RAB7A: variants seen among roughly 807,000 people sequenced by gnomAD.
RAB7A encodes ras-related protein Rab-7a.
RAB7A carries 2 observed loss-of-function variants against 24.5 expected under a neutral mutation model. The observed-to-expected ratio is 0.08, with a 90% CI of 0.03 to 0.26. RAB7A has a LOEUF of 0.26. Among genes scored for constraint, RAB7A ranks in the 10% least tolerant of loss-of-function variants. The probability of loss-of-function intolerance (pLI) is 1.00; values close to 1 mark genes in which losing one functional copy is unlikely to be tolerated. For missense variants in RAB7A, 118 were observed against 255.7 expected, an observed-to-expected ratio of 0.46 and a Z score of 3.67; for synonymous variants, 100 against 95.9, an observed-to-expected ratio of 1.04 and a Z score of -0.25.
intron 1 of RAB7A, among the ~76,000 whole-genome samples, chr3:128,728,911 G>C (rs2070406964): frequency 6.6e-6 from 1 of 152,090 alleles, no homozygotes; most frequent in Non-Finnish European, 1.5e-5. Context: ...AGCACTGATA[G>C]TGTACTGGCC....
At chr3:128,771,325 C>T (rs1264506693) in intron 1 of RAB7A, among the ~76,000 whole-genome samples, 1 of 152,140 alleles carries the variant, frequency 6.6e-6, no homozygotes, top group East Asian at 1.9e-4. Context: ...GGGGGCTCAT[C>T]TTCAAGAGTG....
At chr3:128,766,827 A>C (rs2070836144) in intron 1 of RAB7A, among the ~76,000 whole-genome samples, 1 of 152,200 alleles carries the variant, frequency 6.6e-6, no homozygotes, top group South Asian at 2.1e-4. Flanking sequence ...GGCATGAGCC[A>C]TCGTGCCTGG....
At chr3:128,763,864 G>A (rs868363151) in intron 1 of RAB7A, among the ~76,000 whole-genome samples, 1 of 82,622 alleles carries the variant, frequency 1.2e-5, no homozygotes, top group Non-Finnish European at 2.8e-5. Context: ...TTAGATTCCC[G>A]CCCCCCCCCC....
chr3:128,743,121 C>T (rs113558742), intron 1 of RAB7A, among the ~76,000 whole-genome samples: 272 of 152,278 alleles, frequency 1.8e-3, no homozygotes, highest in Non-Finnish European at 3.1e-3. Context: ...GGTGGGCTGG[C>T]GGTGCTGGGG....
intron 1 of RAB7A, among the ~76,000 whole-genome samples, chr3:128,746,254 G>A (rs890281030): frequency 6.6e-6 from 1 of 151,972 alleles, no homozygotes; most frequent in African/African-American, 2.4e-5. Context: ...GGGTTCAACT[G>A]TTTATTTTTA....
intron 3 of RAB7A, among the ~76,000 whole-genome samples, chr3:128,801,568 G>T (rs1933699283): frequency 6.6e-6 from 1 of 152,174 alleles, no homozygotes; most frequent in African/African-American, 2.4e-5. Flanking sequence ...GGGAGAAAAT[G>T]AAGCACAATC....
chr3:128,743,925 T>G (rs2070582646), intron 1 of RAB7A, among the ~76,000 whole-genome samples: 1 of 151,402 alleles, frequency 6.6e-6, no homozygotes, highest in African/African-American at 2.4e-5. Context: ...AGTAGCTGGG[T>G]TTATAGGCGC....
intron 5 of RAB7A, among the ~76,000 whole-genome samples, chr3:128,810,109 C>T (rs1433039302): frequency 6.6e-6 from 1 of 151,450 alleles, no homozygotes; most frequent in Non-Finnish European, 1.5e-5. Flanking sequence ...CCACCATGCC[C>T]AGCTAATTTT....
chr3:128,801,845 G>T (rs953100044), intron 3 of RAB7A, among the ~76,000 whole-genome samples: 2 of 151,862 alleles, frequency 1.3e-5, no homozygotes, highest in African/African-American at 4.8e-5. Flanking sequence ...TAAATAAAAA[G>T]AATTCTGTGT....
chr3:128,732,021 T>A (rs1313336248), intron 1 of RAB7A, among the ~76,000 whole-genome samples: 4 of 144,858 alleles, frequency 2.8e-5, no homozygotes, highest in Admixed American at 2.1e-4. Context: ...AAAAAAAGTG[T>A]CTCTTTCTTC....
At chr3:128,748,920 C>G (rs1025163307) in intron 1 of RAB7A, 1 of 152,070 alleles carries the variant, frequency 6.6e-6, no homozygotes, top group African/African-American at 2.4e-5. Flanking sequence ...CTCCCAGGCT[C>G]CACAAATCCA....
intron 1 of RAB7A, among the ~76,000 whole-genome samples, chr3:128,752,475 A>G (rs1199884724): frequency 3.3e-5 from 5 of 152,082 alleles, no homozygotes; most frequent in Admixed American, 6.5e-5. Flanking sequence ...GGACAAAGAC[A>G]AAGTAGAGAA....
chr3:128,783,086 C>T (rs1472866545), intron 1 of RAB7A, among the ~76,000 whole-genome samples: 1 of 152,168 alleles, frequency 6.6e-6, no homozygotes, highest in Non-Finnish European at 1.5e-5. Flanking sequence ...TCTTACTTGG[C>T]CTCTGGGCAT....
intron 5 of RAB7A, among the ~76,000 whole-genome samples, chr3:128,810,914 CGTG>C (rs1343631793): frequency 2.0e-5 from 3 of 152,024 alleles, no homozygotes; most frequent in African/African-American, 4.8e-5. Context: ...AATTAGCTGG[CGTG>C]GTGGTGGGCA....
At chr3:128,751,843 A>G (rs2070684416) in intron 1 of RAB7A, among the ~76,000 whole-genome samples, 1 of 152,106 alleles carries the variant, frequency 6.6e-6, no homozygotes, top group Non-Finnish European at 1.5e-5. Context: ...ACCCAGTGGG[A>G]GGTAATTGAA....
In RAB7A at chr3:128,746,728, A is replaced by G. The variant is rs191873479; in HGVS notation, c.-9+20369A>G. Among the ~76,000 whole-genome samples the G allele has an allele frequency of 5.7e-3, 856 of 149,626 alleles. 14 individuals carry two copies. Among genetic ancestry groups the G allele is most frequent in the African/African-American group, 0.021 (808 of 39,332 alleles). On this transcript the variant is annotated intron_variant, in intron 1 of 5. Transcript: ENST00000265062. The stretch of plus-strand genomic sequence containing the variant: ...TATTTTTTAGTAGAGACGGGGTTTC[A>G]CCATGTTAGCCAGGGTGGTCTCGAT...
At chr3:128,786,942 T>C (rs543967101) in intron 1 of RAB7A, among the ~76,000 whole-genome samples, 5 of 152,182 alleles carry the variant, frequency 3.3e-5, no homozygotes, top group Non-Finnish European at 7.3e-5. Flanking sequence ...GTTAATAACA[T>C]GGGAAGATAT....
chr3:128,795,325 C>G (rs753578967), intron 1 of RAB7A, 35 bp from the exon 2 acceptor site: 5 of 1,567,516 alleles, frequency 3.2e-6, no homozygotes, highest in Non-Finnish European at 3.5e-6. Context: ...GTGTTTCCAT[C>G]ACACTCACAG....
intron 1 of RAB7A, among the ~76,000 whole-genome samples, chr3:128,738,978 A>T (rs932820761): frequency 5.3e-5 from 8 of 152,190 alleles, no homozygotes; most frequent in Non-Finnish European, 1.2e-4. Flanking sequence ...AACGAGAGTA[A>T]TGTGTAATCC....
Sources: gnomAD v4.1 joint callset for allele counts (sites outside exome capture counted in the v4.1 genomes callset) on GRCh38, gnomAD v4.1.1 for gene constraint, MANE v1.5 for transcripts, NCBI Gene and HGNC (gene_info 2026-07-23, HGNC 2026-07-21) for gene names.